Variants in PHACTR1 observed in about 807,000 individuals in gnomAD.
PHACTR1 encodes the protein phosphatase and actin regulator 1.
A neutral mutation model predicts 69.2 loss-of-function variants in PHACTR1; 16 were observed. That is an observed-to-expected ratio of 0.23 (90% CI 0.16 to 0.35). The LOEUF (loss-of-function observed/expected upper bound fraction) is 0.35, where lower values mean the gene tolerates loss of function less well. Among genes scored for constraint, PHACTR1 ranks in the 10% least tolerant of loss-of-function variants. The pLI is 1.00. For missense variants in PHACTR1, 510 were observed against 734.7 expected (o/e 0.69, Z 3.54); for synonymous variants, 312 against 284.5 (o/e 1.10, Z -0.97).
At chr6:13,009,191 A>C (rs1387976728) in intron 4 of PHACTR1, among the ~76,000 whole-genome samples, 1 of 152,172 alleles carries the variant, frequency 6.6e-6, no homozygotes, top group African/African-American at 2.4e-5. Flanking sequence ...TAATCTCCTC[A>C]TCTCAAGATC....
At chr6:12,860,196 G>C (rs531504550) in intron 4 of PHACTR1, among the ~76,000 whole-genome samples, 1 of 151,682 alleles carries the variant, frequency 6.6e-6, no homozygotes, top group Non-Finnish European at 1.5e-5. Flanking sequence ...TATTCCCCTC[G>C]GTGCCCATAT....
intron 4 of PHACTR1, among the ~76,000 whole-genome samples, chr6:12,924,472 G>T (rs907214076): frequency 1.3e-5 from 2 of 152,090 alleles, no homozygotes; most frequent in African/African-American, 4.8e-5. Context: ...TATACAATGA[G>T]ATTTAAAATT....
chr6:12,786,845 T>G (rs1771608428), intron 4 of PHACTR1, among the ~76,000 whole-genome samples: 1 of 152,220 alleles, frequency 6.6e-6, no homozygotes, highest in African/African-American at 2.4e-5. Context: ...TCTATAAAAT[T>G]ACATATTTCA....
intron 4 of PHACTR1, among the ~76,000 whole-genome samples, chr6:13,045,326 C>T (rs1461016235): frequency 6.6e-6 from 1 of 152,178 alleles, no homozygotes; most frequent in Admixed American, 6.5e-5. Flanking sequence ...CTGGAATAGA[C>T]TTAGTGACTG....
intron 4 of PHACTR1, among the ~76,000 whole-genome samples, chr6:12,951,379 C>T (rs908235010): frequency 7.9e-5 from 12 of 152,290 alleles, no homozygotes; most frequent in African/African-American, 2.6e-4. Flanking sequence ...GCAAAAAGAT[C>T]TCCATACAAA....
chr6:13,044,851 TAGC>T (rs1561742829), intron 4 of PHACTR1, among the ~76,000 whole-genome samples: 1 of 152,216 alleles, frequency 6.6e-6, no homozygotes, highest in Non-Finnish European at 1.5e-5. Context: ...CACAGGTCCT[TAGC>T]AGATAATGTC....
At chr6:13,222,811 T>C (rs1160307157) in intron 8 of PHACTR1, among the ~76,000 whole-genome samples, 1 of 152,196 alleles carries the variant, frequency 6.6e-6, no homozygotes, top group Non-Finnish European at 1.5e-5. Context: ...TGTACTACAA[T>C]GCACAGGACA....
chr6:12,917,739 C>A (rs954083657), intron 4 of PHACTR1, among the ~76,000 whole-genome samples: 1 of 152,046 alleles, frequency 6.6e-6, no homozygotes, highest in Admixed American at 6.6e-5. Context: ...TGGGCAACAG[C>A]AAGACCCCAT....
intron 3 of PHACTR1, among the ~76,000 whole-genome samples, chr6:12,746,874 G>A (rs1204424999): frequency 1.3e-5 from 2 of 152,156 alleles, no homozygotes; most frequent in Non-Finnish European, 2.9e-5. Context: ...TCCAAATTCT[G>A]AACAATCAAA....
intron 4 of PHACTR1, among the ~76,000 whole-genome samples, chr6:12,968,203 C>G (rs559681273): frequency 2.6e-5 from 4 of 152,252 alleles, no homozygotes; most frequent in African/African-American, 9.6e-5. Flanking sequence ...ATTCCATTTG[C>G]TAAATGATGG....
intron 4 of PHACTR1, among the ~76,000 whole-genome samples, chr6:12,883,121 A>G (rs1233498384): frequency 6.6e-6 from 1 of 152,158 alleles, no homozygotes; most frequent in Non-Finnish European, 1.5e-5. Context: ...TGGGAGCTTG[A>G]CAAGAGGATC....
intron 4 of PHACTR1, among the ~76,000 whole-genome samples, chr6:12,934,412 T>C (rs1371439594): frequency 6.6e-6 from 1 of 152,236 alleles, no homozygotes; most frequent in African/African-American, 2.4e-5. Context: ...GAGAACACAA[T>C]TCAACCCATG....
intron 4 of PHACTR1, among the ~76,000 whole-genome samples, chr6:13,045,354 T>C (rs1804849321): frequency 6.6e-6 from 1 of 152,214 alleles, no homozygotes; most frequent in Admixed American, 6.5e-5. Flanking sequence ...TTAGCTGTTA[T>C]GGATGCTGTC....
At chr6:13,164,563 T>C (rs1759513992) in intron 6 of PHACTR1, among the ~76,000 whole-genome samples, 1 of 152,216 alleles carries the variant, frequency 6.6e-6, no homozygotes, top group Non-Finnish European at 1.5e-5. Flanking sequence ...GCAGTTATGC[T>C]GTTTGTGTGC....
At chr6:13,215,742 T>C (rs528336826) in intron 8 of PHACTR1, among the ~76,000 whole-genome samples, 1 of 152,346 alleles carries the variant, frequency 6.6e-6, no homozygotes, top group African/African-American at 2.4e-5. Context: ...CAACTCTAAC[T>C]GCAGATTAGA....
At chr6:12,875,491 T>C (rs1782443211) in intron 4 of PHACTR1, among the ~76,000 whole-genome samples, 1 of 152,228 alleles carries the variant, frequency 6.6e-6, no homozygotes, top group Non-Finnish European at 1.5e-5. Context: ...CCTTGGCCTT[T>C]TGATCCCAAG....
intron 5 of PHACTR1, among the ~76,000 whole-genome samples, chr6:13,137,779 A>G (rs1443193269): frequency 2.6e-5 from 4 of 152,258 alleles, no homozygotes; most frequent in African/African-American, 9.6e-5. Flanking sequence ...AGCTCTTGGT[A>G]GAAGAGAAAA....
rs1019262170 is a variant in PHACTR1 at position 12,758,442 on chromosome 6, G to C, written c.250+8652G>C. Among the ~76,000 whole-genome samples the C allele has an allele frequency of 2.0e-5, 3 of 148,742 alleles. No homozygotes were observed. The Admixed American group carries it at 2.0e-4, about 10-fold the overall frequency. On this transcript the variant is annotated intron_variant, in intron 4 of 14. Transcript: ENST00000332995. ...GACCACGCCATTGCCCTCCAGCCTG[G>C]GTGAAAGAGCGAGACTCTCTTTCTA...
At chr6:13,089,429 T>G (rs2127822997) in intron 5 of PHACTR1, among the ~76,000 whole-genome samples, 1 of 151,982 alleles carries the variant, frequency 6.6e-6, no homozygotes, top group East Asian at 1.9e-4. Context: ...GGTGCCTGGC[T>G]CAGGGCAGGC....
Sources: allele counts gnomAD v4.1 joint callset (sites outside exome capture counted in the v4.1 genomes callset), GRCh38; gene constraint gnomAD v4.1.1; transcripts MANE v1.5; gene names NCBI Gene and HGNC (gene_info 2026-07-23, HGNC 2026-07-21).